Variants in HEXB observed in about 807,000 individuals in gnomAD.
The protein encoded by HEXB is beta-hexosaminidase subunit beta.
HEXB carries 51 observed loss-of-function variants against 71.2 expected under a neutral mutation model. The ratio of observed to expected loss-of-function variants is 0.72; its 90% CI spans 0.57 to 0.90. HEXB has a LOEUF of 0.90. Ranked by LOEUF, HEXB falls within the 40% of genes least tolerant of loss-of-function variation. The pLI is 0.00. For missense variants in HEXB, 617 were observed against 677.0 expected, an observed-to-expected ratio of 0.91 and a Z score of 0.98; for synonymous variants, 266 against 249.3, an observed-to-expected ratio of 1.07 and a Z score of -0.63.
intron 1 of HEXB, chr5:74,640,952 CAG>C (rs1747855046): frequency 6.6e-6 from 1 of 152,276 alleles, no homozygotes; most frequent in Admixed American, 6.5e-5. Flanking sequence ...GCGGGGAGTG[CAG>C]AGAGACAAAG....
chr5:74,650,778 T>A (rs933637867), intron 1 of HEXB, among the ~76,000 whole-genome samples: 6 of 135,668 alleles, frequency 4.4e-5, no homozygotes, highest in Non-Finnish European at 1.6e-5. Context: ...AAAAAAAAAT[T>A]AGCTGGGCGT....
chr5:74,678,746 T>A (rs1318007364), intron 1 of HEXB, among the ~76,000 whole-genome samples: 1 of 151,968 alleles, frequency 6.6e-6, no homozygotes, highest in Non-Finnish European at 1.5e-5. Context: ...TAAAACAACA[T>A]ACCACATAAA....
upstream of HEXB, among the ~76,000 whole-genome samples, chr5:74,682,355 C>G (rs567284134): frequency 6.6e-6 from 1 of 152,214 alleles, no homozygotes; most frequent in East Asian, 1.9e-4. Context: ...GAGACTCCGT[C>G]TCAAAAAAAA....
chr5:74,689,579 G>A (rs1748949804), intron 2 of HEXB, 106 bp downstream of exon 2: 1 of 899,050 alleles, frequency 1.1e-6, no homozygotes, highest in African/African-American at 1.6e-5. Context: ...CTCAACCAGT[G>A]AGTTTATGAT....
chr5:74,662,530 T>C (rs1487017103), intron 1 of HEXB, among the ~76,000 whole-genome samples: 2 of 152,162 alleles, frequency 1.3e-5, no homozygotes, highest in African/African-American at 4.8e-5. Context: ...CTCAGGTGAA[T>C]TTTTTTAGAA....
chr5:74,706,152 G>A (rs820827), intron 6 of HEXB: 131,267 of 152,326 alleles, frequency 0.86, 56,862 homozygotes, highest in Non-Finnish European at 0.9. Flanking sequence ...AAACTCCTGC[G>A]GACAAGCCCT....
At chr5:74,648,491 T>A in intron 1 of HEXB, among the ~76,000 whole-genome samples, 1 of 152,312 alleles carries the variant, frequency 6.6e-6, no homozygotes, top group Non-Finnish European at 1.5e-5. Flanking sequence ...GAAAGAACCA[T>A]GCAACCATTC....
intron 1 of HEXB, among the ~76,000 whole-genome samples, chr5:74,660,064 C>CT (rs200891571): frequency 0.019 from 2,541 of 137,244 alleles, 53 homozygotes; most frequent in African/African-American, 0.045. Flanking sequence ...AGACCCTAAT[C>CT]TTTGTAAAAA....
At chr5:74,683,060 TAGAG>T (rs1426198884), upstream of HEXB, among the ~76,000 whole-genome samples, 8 of 152,120 alleles carry the variant, frequency 5.3e-5, no homozygotes, top group Non-Finnish European at 1.2e-4. Context: ...CTAATGGTAA[TAGAG>T]AGGAGAAACC....
intron 5 of HEXB, among the ~76,000 whole-genome samples, chr5:74,704,200 G>A (rs1161468140): frequency 6.6e-6 from 1 of 152,018 alleles, no homozygotes; most frequent in African/African-American, 2.4e-5. Context: ...TATATTTCTG[G>A]CTCCCTTCTC....
chr5:74,677,665 C>T (rs1321070467), intron 1 of HEXB, among the ~76,000 whole-genome samples: 2 of 151,862 alleles, frequency 1.3e-5, no homozygotes, highest in Non-Finnish European at 2.9e-5. Flanking sequence ...AATTATTTTC[C>T]AAAGAAACTA....
intron 6 of HEXB, among the ~76,000 whole-genome samples, chr5:74,710,359 TC>T (rs199995258): frequency 0.066 from 10,099 of 152,150 alleles, 523 homozygotes; most frequent in Admixed American, 0.15. Flanking sequence ...CTAGAAGCAT[TC>T]CCTTTGAAAC....
chr5:74,670,170 T>C (rs928610829), intron 1 of HEXB, among the ~76,000 whole-genome samples: 1 of 152,064 alleles, frequency 6.6e-6, no homozygotes, highest in Non-Finnish European at 1.5e-5. Flanking sequence ...TACATATACC[T>C]ACACTTCCCT....
At chr5:74,688,171 C>T (rs963832773) in intron 1 of HEXB, among the ~76,000 whole-genome samples, 1 of 151,462 alleles carries the variant, frequency 6.6e-6, no homozygotes, top group African/African-American at 2.4e-5. Context: ...ATATTTAATG[C>T]CTTTACAGAA....
chr5:74,708,992 T>G (rs1003984176), intron 6 of HEXB, among the ~76,000 whole-genome samples: 13 of 152,042 alleles, frequency 8.6e-5, no homozygotes, highest in African/African-American at 2.4e-4. Flanking sequence ...AAGATACATT[T>G]TTTTCAGCAC....
chr5:74,710,010 A>C (rs932343973), intron 6 of HEXB, among the ~76,000 whole-genome samples: 2 of 152,064 alleles, frequency 1.3e-5, no homozygotes, highest in Non-Finnish European at 2.9e-5. Context: ...ACCAATATCC[A>C]TGATGAACAT....
chr5:74,655,807 G>T (rs1401062576), intron 1 of HEXB, among the ~76,000 whole-genome samples: 1 of 152,042 alleles, frequency 6.6e-6, no homozygotes, highest in African/African-American at 2.4e-5. Context: ...TAGAATTTTA[G>T]AAAAAATTAT....
chr5:74,684,674 C>CT (rs1191674612), upstream of HEXB, among the ~76,000 whole-genome samples: 2,975 of 133,814 alleles, frequency 0.022, 85 homozygotes, highest in African/African-American at 0.059. Flanking sequence ...TTTTTCTTTT[C>CT]TTTTTTTTTT....
At chr5:74,647,425 C>T (rs530034271) in intron 1 of HEXB, among the ~76,000 whole-genome samples, 3 of 152,350 alleles carry the variant, frequency 2.0e-5, no homozygotes, top group East Asian at 3.9e-4. Context: ...ATGCTACTTA[C>T]TGCTTATAGC....
Sources: gnomAD v4.1 joint callset for allele counts (sites outside exome capture counted in the v4.1 genomes callset) on GRCh38, gnomAD v4.1.1 for gene constraint, MANE v1.5 for transcripts, NCBI Gene and HGNC (gene_info 2026-07-23, HGNC 2026-07-21) for gene names.